The following SCFD2 variants were observed in gnomAD, a reference collection of about 807,000 sequenced individuals.
SCFD2 encodes sec1 family domain containing 2, also known as sec1 family domain-containing protein 2.
Under a neutral mutation model 58.9 loss-of-function variants are expected in SCFD2, and 54 were observed. That is an observed-to-expected ratio of 0.92 (90% CI 0.74 to 1.15). The LOEUF (loss-of-function observed/expected upper bound fraction) is 1.15, where lower values mean the gene tolerates loss of function less well. Ranked by LOEUF, SCFD2 falls within the 50% of genes most tolerant of loss-of-function variation. The pLI, the probability that SCFD2 is intolerant of heterozygous loss-of-function variation, is 0.00. For synonymous variants in SCFD2, 321 were observed against 335.9 expected, an observed-to-expected ratio of 0.96 and a Z score of 0.49; for missense variants, 805 against 836.6, an observed-to-expected ratio of 0.96 and a Z score of 0.47.
At chr4:53,229,033 G>C (rs1729329614) in intron 4 of SCFD2, among the ~76,000 whole-genome samples, 1 of 151,994 alleles carries the variant, frequency 6.6e-6, no homozygotes, top group Non-Finnish European at 1.5e-5. Flanking sequence ...GCTTCAAAGA[G>C]AATAAAAAAC....
chr4:53,329,016 C>T (rs927476304), intron 2 of SCFD2, among the ~76,000 whole-genome samples: 8 of 152,188 alleles, frequency 5.3e-5, no homozygotes, highest in African/African-American at 1.2e-4. Context: ...CACTCCCACC[C>T]GAATATTGTG....
At chr4:52,968,064 A>G (rs1721002854) in intron 5 of SCFD2, among the ~76,000 whole-genome samples, 1 of 152,226 alleles carries the variant, frequency 6.6e-6, no homozygotes, top group Admixed American at 6.5e-5. Flanking sequence ...AAGCCACAAC[A>G]GTCCTTTGGC....
intron 7 of SCFD2, among the ~76,000 whole-genome samples, chr4:52,902,328 C>T (rs946846710): frequency 1.2e-4 from 18 of 152,204 alleles, no homozygotes; most frequent in African/African-American, 4.3e-4. Context: ...AAAGGGGAGT[C>T]TGGAAAAACA....
At chr4:53,340,439 G>C (rs973025156) in intron 2 of SCFD2, among the ~76,000 whole-genome samples, 2 of 152,214 alleles carry the variant, frequency 1.3e-5, no homozygotes, top group Admixed American at 1.3e-4. Flanking sequence ...GCTGAGGCTT[G>C]AGTAGGTAAA....
chr4:53,225,123 G>A (rs1035069953), intron 4 of SCFD2, among the ~76,000 whole-genome samples: 3 of 151,962 alleles, frequency 2.0e-5, no homozygotes, highest in African/African-American at 7.2e-5. Context: ...CACCATATTT[G>A]ATTATATTCT....
intron 5 of SCFD2, among the ~76,000 whole-genome samples, chr4:53,138,229 C>T (rs1175416735): frequency 6.6e-6 from 1 of 151,980 alleles, no homozygotes; most frequent in African/African-American, 2.4e-5. Flanking sequence ...AGGGCAGTTA[C>T]GTTTATATCA....
At chr4:53,110,604 C>T (rs376956569) in intron 5 of SCFD2, among the ~76,000 whole-genome samples, 43 of 152,106 alleles carry the variant, frequency 2.8e-4, no homozygotes, top group African/African-American at 9.6e-4. Flanking sequence ...CATCACTGGT[C>T]CTCAGAGAAA....
In SCFD2 at chr4:53,319,185, A is replaced by G. The variant is rs1732951388; in HGVS notation, c.1008-5422T>C. ...CAAAGGACAGGATGGAATGGAGTGA[A>G]GAGTAAAGTAGATCCACATTAATTC... On this transcript the variant is annotated intron_variant, in intron 2 of 8. Transcript: ENST00000401642. Among the ~76,000 whole-genome samples, 7 of 152,346 alleles carry G rather than the reference A, an allele frequency of 4.6e-5. No individual in the cohort carries two copies. In the South Asian group the frequency reaches 1.5e-3, roughly 32 times the overall value.
At chr4:53,079,910 C>G (rs1482687885) in intron 5 of SCFD2, among the ~76,000 whole-genome samples, 1 of 152,064 alleles carries the variant, frequency 6.6e-6, no homozygotes, top group East Asian at 1.9e-4. Flanking sequence ...ATATAGAAAA[C>G]ATATATAAGA....
chr4:53,247,012 A>AC (rs397934974), intron 4 of SCFD2, among the ~76,000 whole-genome samples: 1 of 150,836 alleles, frequency 6.6e-6, no homozygotes, highest in Non-Finnish European at 1.5e-5. Flanking sequence ...AAAAAAAAAA[A>AC]CTCCAAACAA....
intron 8 of SCFD2, among the ~76,000 whole-genome samples, chr4:52,880,564 C>T (rs1718584900): frequency 6.8e-6 from 1 of 147,900 alleles, no homozygotes; most frequent in African/African-American, 2.5e-5. Flanking sequence ...TTGCTATGAG[C>T]TGAGATCATG....
chr4:52,895,363 T>C (rs546363812), intron 7 of SCFD2, among the ~76,000 whole-genome samples: 1 of 152,256 alleles, frequency 6.6e-6, no homozygotes, highest in South Asian at 2.1e-4. Flanking sequence ...GATGTTCCCC[T>C]TCCTGTGTCC....
At chr4:53,136,390 A>G (rs1003486872) in intron 5 of SCFD2, among the ~76,000 whole-genome samples, 2 of 152,256 alleles carry the variant, frequency 1.3e-5, no homozygotes, top group Non-Finnish European at 2.9e-5. Flanking sequence ...GAACATTTCC[A>G]TCAATAAAAC....
At chr4:53,303,272 C>T (rs1025864198) in intron 3 of SCFD2, among the ~76,000 whole-genome samples, 6 of 152,000 alleles carry the variant, frequency 3.9e-5, no homozygotes, top group Non-Finnish European at 8.8e-5. Context: ...ACAAACAAAC[C>T]CATCGAAAAG....
intron 4 of SCFD2, among the ~76,000 whole-genome samples, chr4:53,216,895 C>A (rs758547575): frequency 1.3e-5 from 2 of 152,162 alleles, no homozygotes; most frequent in African/African-American, 2.4e-5. Context: ...GCCTTCATTT[C>A]GTTATGTACC....
intron 4 of SCFD2, among the ~76,000 whole-genome samples, chr4:53,211,470 T>G (rs1577845793): frequency 6.6e-6 from 1 of 152,130 alleles, no homozygotes; most frequent in African/African-American, 2.4e-5. Context: ...AGCAAATTAA[T>G]CAAATTCAAA....
chr4:53,095,666 T>C (rs1488475010), intron 5 of SCFD2, among the ~76,000 whole-genome samples: 1 of 152,140 alleles, frequency 6.6e-6, no homozygotes, highest in Non-Finnish European at 1.5e-5. Context: ...AAAACCTAAG[T>C]GCTTAAAATA....
chr4:53,027,280 T>C (rs901136084), intron 5 of SCFD2, among the ~76,000 whole-genome samples: 14 of 151,974 alleles, frequency 9.2e-5, no homozygotes, highest in Non-Finnish European at 2.9e-5. Flanking sequence ...GGCCACAGTC[T>C]GATGCACCTT....
chr4:52,926,981 A>C (rs562693662), intron 5 of SCFD2, among the ~76,000 whole-genome samples: 23 of 152,382 alleles, frequency 1.5e-4, no homozygotes, highest in Admixed American at 5.9e-4. Flanking sequence ...AAAATCAAAT[A>C]AACCTTAGCA....
Sources: gnomAD v4.1 joint callset for allele counts (sites outside exome capture counted in the v4.1 genomes callset) on GRCh38, gnomAD v4.1.1 for gene constraint, MANE v1.5 for transcripts, NCBI Gene and HGNC (gene_info 2026-07-23, HGNC 2026-07-21) for gene names.